The following ITPKB variants were observed in gnomAD, a reference collection of about 807,000 sequenced individuals.
The protein encoded by ITPKB is inositol-trisphosphate 3-kinase B.
Under a neutral mutation model 69.4 loss-of-function variants are expected in ITPKB, and 13 were observed. The observed-to-expected ratio is 0.19, with a 90% CI of 0.12 to 0.30. The LOEUF (loss-of-function observed/expected upper bound fraction) is 0.30. Among genes scored for constraint, ITPKB ranks in the 10% least tolerant of loss-of-function variants. ITPKB has a pLI of 1.00. For synonymous variants in ITPKB, 584 were observed against 513.7 expected (o/e 1.14, Z -1.85); for missense variants, 1,240 against 1,250.5 (o/e 0.99, Z 0.13).
intron 2 of ITPKB, among the ~76,000 whole-genome samples, chr1:226,722,350 G>C (rs1273573146): frequency 6.6e-6 from 1 of 152,168 alleles, no homozygotes; most frequent in Admixed American, 6.5e-5. Flanking sequence ...AGAAAATCTA[G>C]GCCAGTTCAA....
At chr1:226,646,539 G>C (rs1669065950) in intron 4 of ITPKB, among the ~76,000 whole-genome samples, 1 of 152,160 alleles carries the variant, frequency 6.6e-6, no homozygotes, top group Non-Finnish European at 1.5e-5. Context: ...CTGAGCCCCT[G>C]TCAGGAACCT....
In ITPKB at chr1:226,651,972, C is replaced by T. The variant is rs529681250; in HGVS notation, c.1933-3201G>A. On this transcript the variant is annotated intron_variant, in intron 2 of 7. Transcript: ENST00000429204. Reference sequence around the variant, plus strand: ...TGAGAGTCCCCCAGTCCCAAGGCTGCTCTGCCTGGATGAGGGCCGTGGAAT... The same window carrying T: ...TGAGAGTCCCCCAGTCCCAAGGCTGTTCTGCCTGGATGAGGGCCGTGGAAT... 2.0e-5 allele frequency among the ~76,000 whole-genome samples: 3 copies of T among 152,358 alleles called. No individual in the cohort carries two copies. The South Asian group carries it at 6.2e-4, about 32-fold the overall frequency.
At position 226,643,500 on chromosome 1, in the gene ITPKB, G is replaced by T. The variant is rs185608852; in HGVS notation, c.2247-1375C>A. On this transcript the variant is annotated intron_variant, in intron 4 of 7. Transcript: ENST00000429204. ...GCCCCGCCCGCCTGCCCTCCACCTGGCCCTCCACTCTTCCTGCATCTGTCT... is the reference window on the plus strand; with the variant it reads ...GCCCCGCCCGCCTGCCCTCCACCTGTCCCTCCACTCTTCCTGCATCTGTCT... Among the ~76,000 whole-genome samples the T allele has an allele frequency of 9.1e-3, 1,387 of 152,234 alleles. 24 individuals are homozygous for T. Among genetic ancestry groups the T allele is most frequent in the African/African-American group, 0.032 (1,324 of 41,540 alleles).
intron 2 of ITPKB, among the ~76,000 whole-genome samples, chr1:226,663,914 G>T (rs1346888050): frequency 6.6e-6 from 1 of 152,228 alleles, no homozygotes; most frequent in Non-Finnish European, 1.5e-5. Context: ...AAAGTGAGGT[G>T]AGGATCTCCT....
chr1:226,660,961 T>A (rs987693027), intron 2 of ITPKB, among the ~76,000 whole-genome samples: 39 of 152,256 alleles, frequency 2.6e-4, no homozygotes, highest in African/African-American at 8.7e-4. Context: ...CCCAGAGATT[T>A]TATTTTTACT....
chr1:226,705,995 G>A (rs1381140066), intron 2 of ITPKB, among the ~76,000 whole-genome samples: 1 of 152,214 alleles, frequency 6.6e-6, no homozygotes, highest in Non-Finnish European at 1.5e-5. Flanking sequence ...CAACCAGTTT[G>A]TTGCCTCTTA....
rs978558958 is a variant in ITPKB at position 226,641,616 on chromosome 1, C to T, written c.2451+305G>A. Among the ~76,000 whole-genome samples the T allele has an allele frequency of 1.3e-5, 2 of 152,238 alleles. No individual in the cohort carries two copies. The highest frequency in any genetic ancestry group is 2.4e-5 in the African/African-American group (1 of 41,468). On this transcript the variant is annotated intron_variant, in intron 5 of 7. Transcript: ENST00000429204. The surrounding 1 kb of genome is among the most constrained non-coding windows in gnomAD (Gnocchi z 4.6). ...TGAACCAGCTACCCCACAGGCATCCCGCAGGTGCCTCTCGCCTGGCTTTCG... is the reference window on the plus strand; with the variant it reads ...TGAACCAGCTACCCCACAGGCATCCTGCAGGTGCCTCTCGCCTGGCTTTCG...
chr1:226,636,312 G>T (rs1213246650), intron 7 of ITPKB, among the ~76,000 whole-genome samples: 5 of 152,180 alleles, frequency 3.3e-5, no homozygotes, highest in Admixed American at 6.5e-5. Flanking sequence ...GGGTCTGGGG[G>T]ACAAGGAGAG....
chr1:226,720,092 C>A (rs1422281507), intron 2 of ITPKB, among the ~76,000 whole-genome samples: 1 of 152,228 alleles, frequency 6.6e-6, no homozygotes, highest in Non-Finnish European at 1.5e-5. Context: ...GCATCTATTA[C>A]ATCCCTTTTT....
chr1:226,714,654 A>T (rs1355507874), intron 2 of ITPKB, among the ~76,000 whole-genome samples: 1 of 152,208 alleles, frequency 6.6e-6, no homozygotes, highest in Non-Finnish European at 1.5e-5. Flanking sequence ...TGACTACGTG[A>T]ATCCCTTCAA....
chr1:226,657,252 T>C (rs1428652724), intron 2 of ITPKB: 2 of 152,234 alleles, frequency 1.3e-5, no homozygotes, highest in Non-Finnish European at 2.9e-5. Context: ...TCTTATTTCA[T>C]GTATGTGGAA....
chr1:226,711,830 CAAAAGGGGGAAG>C (rs904884598), intron 2 of ITPKB, among the ~76,000 whole-genome samples: 16 of 152,092 alleles, frequency 1.1e-4, no homozygotes, highest in African/African-American at 3.6e-4. Context: ...TGTTAAAAGG[CAAAAGGGGGAAG>C]ATGAGGGGCT....
chr1:226,662,236 A>G (rs1669416364), intron 2 of ITPKB, among the ~76,000 whole-genome samples: 1 of 152,216 alleles, frequency 6.6e-6, no homozygotes, highest in Admixed American at 6.5e-5. Flanking sequence ...AAGTGGAAAC[A>G]GACTTCTTCA....
At chr1:226,676,990 C>G (rs933139320) in intron 2 of ITPKB, among the ~76,000 whole-genome samples, 3 of 152,198 alleles carry the variant, frequency 2.0e-5, no homozygotes, top group Non-Finnish European at 4.4e-5. Flanking sequence ...CCTATTCTCA[C>G]TTCCATCCCC....
chr1:226,737,437 G>C lies in ITPKB; in HGVS notation c.22C>G (p.Leu8Val). The C allele has an allele frequency of 6.2e-7, 1 of 1,611,184 alleles. No individual in the cohort carries two copies. Among genetic ancestry groups the C allele is most frequent in the Non-Finnish European group, 8.5e-7 (1 of 1,179,528 alleles). Residue 8 changes from leucine (L) to valine (V), a missense_variant, in exon 2 of 8, where the codon CTC (leucine) becomes GTC (valine). Coordinates refer to ENST00000429204, the MANE Select transcript of ITPKB (RefSeq NM_002221.4). ...CTATTCATGATCACCAGGCTATTGA[G>C]CGCATAGCAGTACACAGCCATAGTA... MAVYCYA[L>V]NSLVIMNSAN...
chr1:226,645,806 A>G (rs968737923), intron 4 of ITPKB, among the ~76,000 whole-genome samples: 1 of 152,136 alleles, frequency 6.6e-6, no homozygotes, highest in Non-Finnish European at 1.5e-5. Flanking sequence ...AAAGATAGTA[A>G]GGAACTTGGA....
intron 5 of ITPKB, 119 bp from the exon 6 acceptor site, chr1:226,639,777 G>C (rs924621087): frequency 1.4e-6 from 1 of 714,886 alleles, no homozygotes; most frequent in East Asian, 2.6e-5. Flanking sequence ...GGCAGGGCCA[G>C]TGGAGGCACC....
intron 2 of ITPKB, among the ~76,000 whole-genome samples, chr1:226,652,743 C>T (rs559406915): frequency 6.6e-6 from 1 of 152,384 alleles, no homozygotes; most frequent in South Asian, 2.1e-4. Context: ...GGAATCGAGA[C>T]ATCCCTTGTG....
At chr1:226,727,165 A>G (rs1426315177) in intron 2 of ITPKB, among the ~76,000 whole-genome samples, 1 of 152,238 alleles carries the variant, frequency 6.6e-6, no homozygotes, top group African/African-American at 2.4e-5. Context: ...AACGCGTAAG[A>G]GCATTATATA....
Sources: gnomAD v4.1 joint callset for allele counts (sites outside exome capture counted in the v4.1 genomes callset) on GRCh38, gnomAD v4.1.1 for gene constraint, Gnocchi (gnomAD v3.1) non-coding constraint, MANE v1.5 for transcripts, NCBI Gene and HGNC (gene_info 2026-07-23, HGNC 2026-07-21) for gene names.